ANXA8: variants seen among roughly 807,000 people sequenced by gnomAD.
ANXA8 encodes annexin A8.
Under a neutral mutation model 26.8 loss-of-function variants are expected in ANXA8, and 9 were observed. The observed-to-expected ratio is 0.34, with a 90% CI of 0.20 to 0.59. The LOEUF (loss-of-function observed/expected upper bound fraction) is 0.59. Among genes scored for constraint, ANXA8 ranks in the 20% least tolerant of loss-of-function variants. ANXA8 has a pLI of 0.84. For missense variants in ANXA8, 83 were observed against 238.5 expected (o/e 0.35, Z 4.29); for synonymous variants, 39 against 94.8 (o/e 0.41, Z 3.42).
At chr10:47,540,770 GC>G in the ANXA8 span, among the ~76,000 whole-genome samples, 1 of 137,206 alleles carries the variant, frequency 7.3e-6, no homozygotes, top group Non-Finnish European at 1.6e-5. Flanking sequence ...GCATTAGTCA[GC>G]CGTGATGCTG....
At chr10:47,509,476 GGCTAGT>G in the ANXA8 span, among the ~76,000 whole-genome samples, 1 of 116,288 alleles carries the variant, frequency 8.6e-6, no homozygotes, top group Non-Finnish European at 1.7e-5. Context: ...TAGCTAAAAA[GGCTAGT>G]GCATTTGAAA....
At chr10:47,658,782 G>C in the ANXA8 span, among the ~76,000 whole-genome samples, 3 of 141,974 alleles carry the variant, frequency 2.1e-5, no homozygotes, top group Admixed American at 2.1e-4. Flanking sequence ...ATATGTAAAA[G>C]AGATTACCAA....
upstream of ANXA8, among the ~76,000 whole-genome samples, chr10:47,485,114 A>G (rs1296476290): frequency 2.0e-5 from 3 of 151,892 alleles, no homozygotes; most frequent in African/African-American, 7.3e-5. Context: ...TAAAGTATCT[A>G]TAATACACTG....
the ANXA8 span, chr10:47,496,320 T>C: frequency 1.3e-5 from 2 of 151,970 alleles, no homozygotes; most frequent in Non-Finnish European, 2.9e-5. Context: ...TCTTCCAACT[T>C]AATAGTATAA....
At chr10:47,683,257 C>G in the ANXA8 span, among the ~76,000 whole-genome samples, 3 of 112,776 alleles carry the variant, frequency 2.7e-5, no homozygotes, top group African/African-American at 1.1e-4. Context: ...GAGATGGAGT[C>G]TCGCTTTGTT....
the ANXA8 span, among the ~76,000 whole-genome samples, chr10:47,681,523 CTTTTTTTTTT>C: frequency 1.2e-5 from 1 of 81,284 alleles, no homozygotes; most frequent in African/African-American, 4.6e-5. Flanking sequence ...TTTATTTTTA[CTTTTTTTTTT>C]TTTTTTTTTT....
the ANXA8 span, among the ~76,000 whole-genome samples, chr10:47,678,520 G>GA: frequency 6.7e-6 from 1 of 149,138 alleles, no homozygotes; most frequent in Non-Finnish European, 1.5e-5. Flanking sequence ...AAAACTGGGG[G>GA]AAAAACTGGA....
the ANXA8 span, among the ~76,000 whole-genome samples, chr10:47,495,379 G>A: frequency 8.2e-4 from 121 of 147,836 alleles, no homozygotes; most frequent in Middle Eastern, 3.5e-3. Flanking sequence ...TCTGCCTCCC[G>A]CGTTCAAGAG....
upstream of ANXA8, among the ~76,000 whole-genome samples, chr10:47,484,956 C>G (rs1840004903): frequency 1.3e-5 from 2 of 149,106 alleles, no homozygotes; most frequent in African/African-American, 4.9e-5. Context: ...CACCACGCTT[C>G]CCGGGATCCA....
chr10:47,949,467 GAA>G, the ANXA8 span, among the ~76,000 whole-genome samples: 2 of 149,476 alleles, frequency 1.3e-5, no homozygotes, highest in African/African-American at 5.0e-5. Flanking sequence ...GACAAAGGAT[GAA>G]AAACACTTAA....
chr10:47,648,246 G>A, the ANXA8 span, among the ~76,000 whole-genome samples: 10 of 151,896 alleles, frequency 6.6e-5, no homozygotes, highest in Middle Eastern at 6.8e-3. Flanking sequence ...ATAGCAGAAC[G>A]TAGCAGGATC....
chr10:47,766,041 C>T, the ANXA8 span, among the ~76,000 whole-genome samples: 1 of 150,402 alleles, frequency 6.6e-6, no homozygotes, highest in Non-Finnish European at 1.5e-5. Flanking sequence ...AGCTACCATG[C>T]CGAATATGGG....
At chr10:47,977,850 T>C in the ANXA8 span, among the ~76,000 whole-genome samples, 1 of 150,842 alleles carries the variant, frequency 6.6e-6, no homozygotes, top group South Asian at 2.1e-4. Context: ...ATAATGAGAA[T>C]CCCAAAAGAA....
chr10:47,683,866 G>A, the ANXA8 span, among the ~76,000 whole-genome samples: 3 of 151,288 alleles, frequency 2.0e-5, no homozygotes, highest in Non-Finnish European at 4.4e-5. Context: ...ACTACAGGGA[G>A]TTTTTTCACT....
the ANXA8 span, among the ~76,000 whole-genome samples, chr10:47,769,961 C>A: frequency 2.0e-5 from 3 of 151,474 alleles, no homozygotes; most frequent in African/African-American, 7.3e-5. Context: ...CCTCAGGAAG[C>A]TTCTACTCAT....
Position 47,483,908 on chromosome 10 carries a change from C to T in ANXA8, c.21+5G>A. ...AACCCAAATCTCCTGCCAGCTCCCA[C>T]TTACCCAGGATTTCCACCAGGCCAT... On this transcript the variant is annotated splice_donor_5th_base_variant and intron_variant, in intron 1 of 11. Coordinates refer to ENST00000585281, the MANE Select transcript of ANXA8 (RefSeq NM_001040084.3). 1 of 1,611,756 alleles carries T rather than the reference C, an allele frequency of 6.2e-7. No individual in the cohort carries two copies. Among genetic ancestry groups the T allele is most frequent in the Non-Finnish European group, 8.5e-7 (1 of 1,179,852 alleles).
the ANXA8 span, chr10:47,502,167 C>T: frequency 1.2e-5 from 18 of 1,559,726 alleles, 2 homozygotes; most frequent in East Asian, 1.0e-4. Context: ...GCTGTGTTCC[C>T]GTGGGCATCT....
intron 1 of ANXA8, among the ~76,000 whole-genome samples, chr10:47,482,455 G>T (rs1415498818): frequency 0.072 from 4,389 of 60,792 alleles, no homozygotes; most frequent in Middle Eastern, 0.093. Flanking sequence ...TCCGGCCACA[G>T]AGTAGGGACT....
the ANXA8 span, among the ~76,000 whole-genome samples, chr10:47,924,420 TG>T: frequency 7.2e-6 from 1 of 139,286 alleles, no homozygotes; most frequent in Admixed American, 7.3e-5. Flanking sequence ...CCAGACAGCC[TG>T]TCCTTGCAGG....
Sources: gnomAD v4.1 joint callset for allele counts (sites outside exome capture counted in the v4.1 genomes callset) on GRCh38, gnomAD v4.1.1 for gene constraint, MANE v1.5 for transcripts, NCBI Gene and HGNC (gene_info 2026-07-23, HGNC 2026-07-21) for gene names.